The following SGCD variants were observed in gnomAD, a reference collection of about 807,000 sequenced individuals.
SGCD encodes the protein sarcoglycan delta, also known as delta-sarcoglycan.
Under a neutral mutation model 36.6 loss-of-function variants are expected in SGCD, and 18 were observed. The observed-to-expected ratio is 0.49, with a 90% CI of 0.34 to 0.73. The LOEUF (loss-of-function observed/expected upper bound fraction) is 0.73, where lower values mean the gene tolerates loss of function less well. Ranked by LOEUF, SGCD falls within the 30% of genes least tolerant of loss-of-function variation. The probability of loss-of-function intolerance (pLI) is 0.01; values close to 1 mark genes in which losing one functional copy is unlikely to be tolerated. For missense variants in SGCD, 387 were observed against 346.7 expected (o/e 1.12, Z -0.92); for synonymous variants, 133 against 130.6 (o/e 1.02, Z -0.12).
At chr5:156,378,559 C>T (rs1188441376) in intron 3 of SGCD, among the ~76,000 whole-genome samples, 2 of 151,964 alleles carry the variant, frequency 1.3e-5, no homozygotes, top group Admixed American at 1.3e-4. Flanking sequence ...TTCCCCCCAC[C>T]TATACAGACC....
intron 4 of SGCD, among the ~76,000 whole-genome samples, chr5:156,534,244 C>T (rs1758004324): frequency 6.6e-6 from 1 of 151,216 alleles, no homozygotes; most frequent in Non-Finnish European, 1.5e-5. Context: ...CATGGAGCTG[C>T]CAGACACGCC....
rs146966601 is a variant in SGCD at position 156,714,205 on chromosome 5, A to C, written c.576-43376A>C. 2.0e-3 allele frequency among the ~76,000 whole-genome samples: 310 copies of C among 152,338 alleles called. 1 individual carries two copies. Among genetic ancestry groups the C allele is most frequent in the African/African-American group, 6.9e-3 (287 of 41,582 alleles). ...GGAGTCATCCAACATACACACTCCC[A>C]GCTGAGGTGGAACCAGGTGATGTTC... is the stretch of plus-strand genomic sequence containing the variant. On this transcript the variant is annotated intron_variant, in intron 7 of 8. Transcript: ENST00000337851.
intron 7 of SGCD, among the ~76,000 whole-genome samples, chr5:156,703,254 A>C (rs1267319370): frequency 6.6e-6 from 1 of 151,998 alleles, no homozygotes; most frequent in Non-Finnish European, 1.5e-5. Context: ...ATTGCTAACT[A>C]TGAAAAACAT....
intron 3 of SGCD, among the ~76,000 whole-genome samples, chr5:156,221,175 T>G (rs1163914653): frequency 5.3e-5 from 8 of 152,042 alleles, no homozygotes; most frequent in Non-Finnish European, 8.8e-5. Flanking sequence ...TGAACAGAAA[T>G]TTATTGGGTT....
intron 7 of SGCD, among the ~76,000 whole-genome samples, chr5:156,710,303 A>G (rs1269078397): frequency 6.6e-6 from 1 of 152,220 alleles, no homozygotes; most frequent in Non-Finnish European, 1.5e-5. Flanking sequence ...CCTCTTTGAG[A>G]AAACAATATT....
chr5:156,347,987 T>C (rs12652756), intron 3 of SGCD, among the ~76,000 whole-genome samples: 62,099 of 152,054 alleles, frequency 0.41, 13,503 homozygotes, highest in East Asian at 0.79. Flanking sequence ...TAGCCAATAA[T>C]GCATTTGAGC....
the SGCD span, among the ~76,000 whole-genome samples, chr5:155,739,805 T>A: frequency 1.4e-5 from 2 of 140,122 alleles, no homozygotes; most frequent in South Asian, 4.5e-4. Context: ...AAGGAGCAAG[T>A]TTTAAAACTT....
chr5:156,675,920 G>C (rs1178137108), intron 7 of SGCD, among the ~76,000 whole-genome samples: 1 of 152,166 alleles, frequency 6.6e-6, no homozygotes, highest in Non-Finnish European at 1.5e-5. Flanking sequence ...AAGCTCCTTA[G>C]AGAATCAGAC....
intron 3 of SGCD, among the ~76,000 whole-genome samples, chr5:156,298,365 A>G (rs2127682683): frequency 6.6e-6 from 1 of 152,176 alleles, no homozygotes; most frequent in East Asian, 1.9e-4. Context: ...GGTTGTACTA[A>G]TTTACATTCC....
intron 7 of SGCD, among the ~76,000 whole-genome samples, chr5:156,686,919 A>G (rs2113696435): frequency 6.6e-6 from 1 of 152,180 alleles, no homozygotes; most frequent in East Asian, 1.9e-4. Flanking sequence ...CGTGGCTGTG[A>G]TTTATTAACG....
chr5:156,338,230 A>C (rs1182490292), intron 2 of SGCD, among the ~76,000 whole-genome samples: 1 of 152,210 alleles, frequency 6.6e-6, no homozygotes. Context: ...CAAATTGGTA[A>C]TGTAGATACT....
intron 1 of SGCD, among the ~76,000 whole-genome samples, chr5:156,082,144 T>C (rs1381258824): frequency 6.6e-6 from 1 of 151,988 alleles, no homozygotes; most frequent in South Asian, 2.1e-4. Flanking sequence ...GGACCAGAAG[T>C]ACTTGATTTT....
chr5:156,007,965 G>A (rs866381552), intron 1 of SGCD, among the ~76,000 whole-genome samples: 1 of 152,174 alleles, frequency 6.6e-6, no homozygotes, highest in South Asian at 2.1e-4. Context: ...TGATTTTACT[G>A]CCCTATAGGA....
the SGCD span, among the ~76,000 whole-genome samples, chr5:155,801,576 G>T: frequency 1.3e-5 from 2 of 152,218 alleles, no homozygotes; most frequent in African/African-American, 4.8e-5. Context: ...GGTAGTAGCT[G>T]CTTTCCTTAG....
chr5:156,699,981 G>A (rs552697775), intron 7 of SGCD, among the ~76,000 whole-genome samples: 2 of 145,462 alleles, frequency 1.4e-5, no homozygotes, highest in South Asian at 2.2e-4. Context: ...GGGAGCAGAG[G>A]AGGATCAGAG....
At chr5:156,313,229 A>T (rs1219605692) in intron 3 of SGCD, among the ~76,000 whole-genome samples, 1 of 143,778 alleles carries the variant, frequency 7.0e-6, no homozygotes, top group Admixed American at 6.8e-5. Flanking sequence ...TTCATATGGT[A>T]AAAAAAAAGC....
intron 3 of SGCD, among the ~76,000 whole-genome samples, chr5:156,201,853 T>C (rs1288078302): frequency 6.6e-6 from 1 of 152,138 alleles, no homozygotes; most frequent in Non-Finnish European, 1.5e-5. Flanking sequence ...GAAAGTGCTT[T>C]ATAAATGTCA....
intron 1 of SGCD, among the ~76,000 whole-genome samples, chr5:155,964,333 T>C (rs1217034989): frequency 6.6e-6 from 1 of 152,056 alleles, no homozygotes; most frequent in Non-Finnish European, 1.5e-5. Context: ...TACTATATAA[T>C]TCTTTAGCCT....
chr5:156,073,961 A>G (rs367597074), intron 1 of SGCD, among the ~76,000 whole-genome samples: 2 of 152,190 alleles, frequency 1.3e-5, no homozygotes, highest in South Asian at 2.1e-4. Flanking sequence ...TGGAAGAAGG[A>G]CAACCCAGCT....
Sources: allele counts gnomAD v4.1 joint callset (sites outside exome capture counted in the v4.1 genomes callset), GRCh38; gene constraint gnomAD v4.1.1; transcripts MANE v1.5; gene names NCBI Gene and HGNC (gene_info 2026-07-23, HGNC 2026-07-21).